The following PRDM16 variants were observed in gnomAD, a reference collection of about 807,000 sequenced individuals.
PRDM16 encodes the protein PR/SET domain 16.
A neutral mutation model predicts 110.6 loss-of-function variants in PRDM16; 23 were observed. That is an observed-to-expected ratio of 0.21 (90% CI 0.15 to 0.29). The LOEUF is 0.29. PRDM16 is among the 10% of genes least tolerant of loss of function. The probability of loss-of-function intolerance (pLI) is 1.00; values close to 1 mark genes in which losing one functional copy is unlikely to be tolerated. For missense variants in PRDM16, 1,615 were observed against 1,794.3 expected (o/e 0.90, Z 1.81); for synonymous variants, 799 against 781.8 (o/e 1.02, Z -0.37).
intron 6 of PRDM16, 35 bp from the exon 7 acceptor site, chr1:3,404,704 G>A: frequency 1.9e-6 from 3 of 1,610,036 alleles, no homozygotes; most frequent in Non-Finnish European, 1.7e-6. Flanking sequence ...AGGGCAGGTA[G>A]TCGGGCCCCG....
chr1:3,142,633 T>C (rs1643573561), intron 1 of PRDM16, among the ~76,000 whole-genome samples: 1 of 152,164 alleles, frequency 6.6e-6, no homozygotes, highest in Non-Finnish European at 1.5e-5. Context: ...ATGTTCCCAG[T>C]GTGCGGACCC....
chr1:3,250,057 C>A (rs1557557779), intron 3 of PRDM16, among the ~76,000 whole-genome samples: 1 of 152,082 alleles, frequency 6.6e-6, no homozygotes, highest in Non-Finnish European at 1.5e-5. Flanking sequence ...GCCCTGGGGA[C>A]CCTCATCCGC....
chr1:3,397,351 C>T (rs1157749658), intron 5 of PRDM16, among the ~76,000 whole-genome samples: 1 of 152,250 alleles, frequency 6.6e-6, no homozygotes, highest in African/African-American at 2.4e-5. Context: ...GTTTCCCTTT[C>T]ACCTTCCTCC....
At chr1:3,161,170 G>A (rs764853098) in intron 1 of PRDM16, among the ~76,000 whole-genome samples, 10 of 152,190 alleles carry the variant, frequency 6.6e-5, no homozygotes, top group Non-Finnish European at 1.3e-4. Context: ...GCAGGAAGGA[G>A]CCAGCGCGGA....
intron 1 of PRDM16, among the ~76,000 whole-genome samples, chr1:3,181,664 A>ACGCG (rs1553141189): frequency 1.7e-4 from 19 of 113,944 alleles, no homozygotes; most frequent in Admixed American, 1.8e-4. Flanking sequence ...ACGGTCTTAC[A>ACGCG]CAGTCTTACA....
intron 2 of PRDM16, among the ~76,000 whole-genome samples, chr1:3,227,252 G>A (rs551418770): frequency 1.2e-4 from 18 of 152,356 alleles, no homozygotes; most frequent in African/African-American, 2.4e-4. Context: ...CCCGGTGGCC[G>A]TTTGGGGAGT....
intron 3 of PRDM16, among the ~76,000 whole-genome samples, chr1:3,341,256 GC>G (rs1642265951): frequency 6.6e-6 from 1 of 152,308 alleles, no homozygotes; most frequent in African/African-American, 2.4e-5. Flanking sequence ...TCTTACCCCA[GC>G]CAGGTTTCCA....
rs1382106122 is a variant in PRDM16 at position 3,433,783 on chromosome 1, G to A, written c.3803G>A (p.Gly1268Glu). The change falls in exon 17 of 17, where the codon GGA becomes GAA. Residue 1268 changes from glycine (G) to glutamate (E), a missense_variant. Physicochemically the swap from Gly to Glu is moderately conservative, Grantham distance 98 (BLOSUM62 -2). Coordinates refer to ENST00000270722, the MANE Select transcript of PRDM16 (RefSeq NM_022114.4). ...LKVTGATSES[G>E]AFHPINHL Reference sequence around the variant, plus strand: ...GTCACTGGAGCCACGTCGGAGTCTGGAGCATTTCACCCCATCAACCACCTC... The same window carrying A: ...GTCACTGGAGCCACGTCGGAGTCTGAAGCATTTCACCCCATCAACCACCTC... 2 of 1,613,722 alleles carry A rather than the reference G, an allele frequency of 1.2e-6. No individual in the cohort carries two copies. Among genetic ancestry groups the A allele is most frequent in the South Asian group, 1.1e-5 (1 of 91,090 alleles).
At chr1:3,096,243 T>C (rs1642397032) in intron 1 of PRDM16, among the ~76,000 whole-genome samples, 1 of 152,102 alleles carries the variant, frequency 6.6e-6, no homozygotes, top group Admixed American at 6.5e-5. Flanking sequence ...TCTCCCTGAG[T>C]TCTCAAACCT....
intron 1 of PRDM16, among the ~76,000 whole-genome samples, chr1:3,182,801 A>G (rs1395465461): frequency 6.6e-6 from 1 of 152,190 alleles, no homozygotes; most frequent in African/African-American, 2.4e-5. Flanking sequence ...AAGATCCCCA[A>G]GCACATAGAC....
At chr1:3,333,807 C>G (rs1420560248) in intron 3 of PRDM16, among the ~76,000 whole-genome samples, 3 of 152,064 alleles carry the variant, frequency 2.0e-5, no homozygotes, top group African/African-American at 7.2e-5. Flanking sequence ...TTAGCTCATG[C>G]GAGATCTGCT....
In PRDM16 at chr1:3,417,948, A is replaced by G; in HGVS notation, c.2812A>G (p.Thr938Ala). 6.2e-7 allele frequency: 1 copy of G among 1,612,836 alleles called. No individual in the cohort carries two copies. The highest frequency in any genetic ancestry group is 2.2e-5 in the East Asian group (1 of 44,826). Residue 938 changes from threonine to alanine, a missense_variant, in exon 11 of 17, where the codon ACG becomes GCG. Physicochemically the swap from Thr to Ala is moderately conservative, Grantham distance 58 (BLOSUM62 0). This residue lies in a region of PRDM16 where 772 missense variants were observed against 748.3 expected (regional missense o/e 1.03). Coordinates refer to ENST00000270722, the MANE Select transcript of PRDM16 (RefSeq NM_022114.4). ...HPFNFRSPPP[T>A]LSDPILRKGK... ...CTTCAACTTCCGGTCCCCACCCCCAACGCTCTCCGACCCCATCCTCAGGAA... is the reference window on the plus strand; with the variant it reads ...CTTCAACTTCCGGTCCCCACCCCCAGCGCTCTCCGACCCCATCCTCAGGAA...
chr1:3,181,084 A>ACGCAGTCTTACACG (rs200020963), intron 1 of PRDM16, among the ~76,000 whole-genome samples: 1 of 123,626 alleles, frequency 8.1e-6, no homozygotes, highest in Non-Finnish European at 1.7e-5. Context: ...GGTCTTACAC[A>ACGCAGTCTTACACG]CGGCCTTACA....
chr1:3,300,611 G>A (rs993160260), intron 3 of PRDM16, among the ~76,000 whole-genome samples: 1 of 152,216 alleles, frequency 6.6e-6, no homozygotes, highest in African/African-American at 2.4e-5. Flanking sequence ...TCGGAACCGC[G>A]GTGCAACTGG....
chr1:3,308,789 A>G (rs1444936624), intron 3 of PRDM16: 1 of 152,208 alleles, frequency 6.6e-6, no homozygotes, highest in Admixed American at 6.5e-5. Flanking sequence ...TTTGCCTTCC[A>G]GTGTTGTGGG....
intron 6 of PRDM16, 37 bp downstream of exon 6, chr1:3,403,035 G>C: frequency 8.0e-7 from 1 of 1,249,814 alleles, no homozygotes; most frequent in Non-Finnish European, 1.1e-6. Context: ...TCCCCTTCCC[G>C]TACCCTCCTC....
chr1:3,191,733 T>C (rs1393097551), intron 2 of PRDM16, among the ~76,000 whole-genome samples: 2 of 152,094 alleles, frequency 1.3e-5, no homozygotes, highest in Non-Finnish European at 2.9e-5. Context: ...TCCCAGGTGA[T>C]AGGATGACGA....
intron 5 of PRDM16, among the ~76,000 whole-genome samples, chr1:3,399,125 T>C (rs954922348): frequency 6.6e-6 from 1 of 152,236 alleles, no homozygotes; most frequent in African/African-American, 2.4e-5. Flanking sequence ...GAATTCTCTT[T>C]CGTGAGAACT....
chr1:3,335,544 C>T (rs1642126210), intron 3 of PRDM16, among the ~76,000 whole-genome samples: 1 of 150,848 alleles, frequency 6.6e-6, no homozygotes, highest in South Asian at 2.1e-4. Flanking sequence ...AACAAACAAA[C>T]AAGGCTTCAA....
Sources: gnomAD v4.1 joint callset for allele counts (sites outside exome capture counted in the v4.1 genomes callset) on GRCh38, gnomAD v4.1.1 for gene constraint, gnomAD v4.1.1 regional missense constraint, MANE v1.5 for transcripts, NCBI Gene and HGNC (gene_info 2026-07-23, HGNC 2026-07-21) for gene names.